CNTN4: variants seen among roughly 807,000 people sequenced by gnomAD.
The protein encoded by CNTN4 is contactin 4, also known as contactin-4.
CNTN4 carries 77 observed loss-of-function variants against 122.5 expected under a neutral mutation model. The ratio of observed to expected loss-of-function variants is 0.63; its 90% CI spans 0.52 to 0.76. The LOEUF (loss-of-function observed/expected upper bound fraction) is 0.76, where lower values mean the gene tolerates loss of function less well. CNTN4 is among the 30% of genes least tolerant of loss of function. The pLI is 0.00. For synonymous variants in CNTN4, 512 were observed against 447.0 expected (o/e 1.15, Z -1.83); for missense variants, 1,256 against 1,259.1 (o/e 1.00, Z 0.04).
At chr3:2,353,576 C>T (rs957868834) in intron 3 of CNTN4, among the ~76,000 whole-genome samples, 3 of 152,046 alleles carry the variant, frequency 2.0e-5, no homozygotes, top group African/African-American at 7.2e-5. Context: ...GACCACGAAC[C>T]CACCGGGAGG....
intron 3 of CNTN4, among the ~76,000 whole-genome samples, chr3:2,476,703 A>C (rs2075844545): frequency 6.6e-6 from 1 of 152,212 alleles, no homozygotes; most frequent in African/African-American, 2.4e-5. Context: ...TCCTTGGGGT[A>C]ATAGAAATAT....
chr3:2,401,500 T>C (rs1218844574), intron 3 of CNTN4, among the ~76,000 whole-genome samples: 1 of 152,166 alleles, frequency 6.6e-6, no homozygotes, highest in Non-Finnish European at 1.5e-5. Flanking sequence ...TATTATGTTT[T>C]TGTGTGTAAA....
At chr3:2,202,006 C>G (rs1315085058) in intron 2 of CNTN4, among the ~76,000 whole-genome samples, 1 of 152,110 alleles carries the variant, frequency 6.6e-6, no homozygotes, top group Non-Finnish European at 1.5e-5. Flanking sequence ...ACACAGGAGG[C>G]TATTTTTAGT....
chr3:2,247,275 A>C (rs1486144611), intron 2 of CNTN4, among the ~76,000 whole-genome samples: 5 of 151,994 alleles, frequency 3.3e-5, no homozygotes. Flanking sequence ...AGTACCTATT[A>C]AATCATCAGA....
intron 3 of CNTN4, among the ~76,000 whole-genome samples, chr3:2,349,852 T>C (rs1418036207): frequency 6.6e-6 from 1 of 151,934 alleles, no homozygotes. Context: ...GCTAGAGAAA[T>C]TGGAGAAGCT....
intron 2 of CNTN4, among the ~76,000 whole-genome samples, chr3:2,183,460 T>A (rs1304954813): frequency 6.6e-6 from 1 of 152,212 alleles, no homozygotes; most frequent in Non-Finnish European, 1.5e-5. Context: ...CATGGCTCTT[T>A]TTTTGGGGCT....
chr3:2,571,259 T>C (rs372680188), intron 3 of CNTN4, 157 bp from the exon 4 acceptor site: 1 of 560,824 alleles, frequency 1.8e-6, no homozygotes, highest in East Asian at 3.1e-5. Flanking sequence ...AGGAGTCTTA[T>C]TAGCTTTATA....
chr3:2,501,261 G>A (rs917374695), intron 3 of CNTN4, among the ~76,000 whole-genome samples: 3 of 151,920 alleles, frequency 2.0e-5, no homozygotes, highest in African/African-American at 7.3e-5. Flanking sequence ...TTTCAATTCC[G>A]GATTACTAGA....
chr3:2,927,361 C>T, intron 13 of CNTN4: 1 of 454,968 alleles, frequency 2.2e-6, no homozygotes. Context: ...GACCAAGATG[C>T]TCTGGACGTT....
intron 14 of CNTN4, among the ~76,000 whole-genome samples, chr3:3,015,262 G>A (rs1354224780): frequency 2.0e-5 from 3 of 151,718 alleles, no homozygotes; most frequent in South Asian, 4.2e-4. Context: ...ATTAATAGTT[G>A]CCCATTCTGA....
At chr3:2,820,650 C>G (rs1309376362) in intron 7 of CNTN4, among the ~76,000 whole-genome samples, 1 of 151,974 alleles carries the variant, frequency 6.6e-6, no homozygotes, top group East Asian at 1.9e-4. Context: ...CAAGAGTCAC[C>G]TAATTAGCAT....
chr3:2,598,416 C>A (rs2080873395), intron 4 of CNTN4, among the ~76,000 whole-genome samples: 1 of 152,110 alleles, frequency 6.6e-6, no homozygotes, highest in Non-Finnish European at 1.5e-5. Context: ...AAAATCAAAG[C>A]AAACTCTCCC....
intron 2 of CNTN4, among the ~76,000 whole-genome samples, chr3:2,232,567 G>A (rs1017231918): frequency 1.3e-5 from 2 of 151,950 alleles, no homozygotes; most frequent in African/African-American, 4.8e-5. Flanking sequence ...AAACTATATA[G>A]CTAAAAATTG....
intron 4 of CNTN4, among the ~76,000 whole-genome samples, chr3:2,581,467 A>G (rs534290714): frequency 5.9e-5 from 9 of 152,212 alleles, no homozygotes; most frequent in Non-Finnish European, 1.3e-4. Context: ...AACATGGTCA[A>G]GGTTATATGG....
intron 6 of CNTN4, among the ~76,000 whole-genome samples, chr3:2,812,391 G>C (rs139169359): frequency 2.2e-4 from 27 of 121,974 alleles, no homozygotes; most frequent in African/African-American, 9.2e-4. Flanking sequence ...AGAATTATCT[G>C]AATCCAGGGT....
chr3:3,042,587 T>TGC (rs1559826152), intron 21 of CNTN4, among the ~76,000 whole-genome samples, 165 bp downstream of exon 21: 2 of 152,050 alleles, frequency 1.3e-5, no homozygotes, highest in Non-Finnish European at 2.9e-5. Flanking sequence ...TACTCAGCTG[T>TGC]GAGACTACCC....
chr3:2,796,156 TTGG>T (rs2092173128), intron 6 of CNTN4, among the ~76,000 whole-genome samples: 1 of 152,168 alleles, frequency 6.6e-6, no homozygotes, highest in Non-Finnish European at 1.5e-5. Flanking sequence ...GGTTAAATAC[TTGG>T]TTTTGGACCA....
At chr3:2,977,668 C>G (rs1194224867) in intron 13 of CNTN4, among the ~76,000 whole-genome samples, 4 of 152,154 alleles carry the variant, frequency 2.6e-5, no homozygotes, top group African/African-American at 9.7e-5. Context: ...CTTCCTCTGC[C>G]CCTCGTCTAA....
At chr3:2,692,408 G>C (rs1241988859) in intron 4 of CNTN4, among the ~76,000 whole-genome samples, 3 of 152,012 alleles carry the variant, frequency 2.0e-5, no homozygotes, top group African/African-American at 7.2e-5. Flanking sequence ...GAAGTTCAGT[G>C]AATATTTAAG....
Sources: gnomAD v4.1 joint callset for allele counts (sites outside exome capture counted in the v4.1 genomes callset) on GRCh38, gnomAD v4.1.1 for gene constraint, MANE v1.5 for transcripts, NCBI Gene and HGNC (gene_info 2026-07-23, HGNC 2026-07-21) for gene names.